The following NYAP2 variants were observed in gnomAD, a reference collection of about 807,000 sequenced individuals.
NYAP2 encodes the protein neuronal tyrosine-phosphorylated phosphoinositide-3-kinase adaptor 2.
NYAP2 carries 23 observed loss-of-function variants against 50.4 expected under a neutral mutation model. That is an observed-to-expected ratio of 0.46 (90% CI 0.33 to 0.65). The LOEUF (loss-of-function observed/expected upper bound fraction) is 0.65, where lower values mean the gene tolerates loss of function less well. Among genes scored for constraint, NYAP2 ranks in the 30% least tolerant of loss-of-function variants. The pLI is 0.02. For synonymous variants in NYAP2, 394 were observed against 365.2 expected (o/e 1.08, Z -0.90); for missense variants, 885 against 861.0 (o/e 1.03, Z -0.35).
chr2:225,430,676 G>A (rs1421626960), intron 3 of NYAP2, among the ~76,000 whole-genome samples: 1 of 151,726 alleles, frequency 6.6e-6, no homozygotes, highest in Non-Finnish European at 1.5e-5. Context: ...AATACATCAG[G>A]GATTTGAACC....
At chr2:225,638,666 G>A (rs576808310) in intron 6 of NYAP2, among the ~76,000 whole-genome samples, 52 of 152,250 alleles carry the variant, frequency 3.4e-4, no homozygotes, top group Admixed American at 1.7e-3. Context: ...CCAATCAGAG[G>A]AGGCCTTCAG....
the NYAP2 span, among the ~76,000 whole-genome samples, chr2:225,670,118 C>T: frequency 6.6e-6 from 1 of 152,274 alleles, no homozygotes; most frequent in South Asian, 2.1e-4. Flanking sequence ...ATGATTACTT[C>T]CTCTGACCAA....
chr2:225,549,798 A>G (rs1199199821), intron 4 of NYAP2, among the ~76,000 whole-genome samples: 2 of 152,048 alleles, frequency 1.3e-5, no homozygotes, highest in East Asian at 1.9e-4. Flanking sequence ...CCTGGCCAAC[A>G]TGGTGAAACC....
rs560749220 is a variant in NYAP2 at position 225,561,391 on chromosome 2, G to A, written c.524-20550G>A. ...AAGGAAGCCAGAGGTGGCTGGAACA[G>A]AGTGAACCTGGAAGAAAGGCACAAA... On this transcript the variant is annotated intron_variant, in intron 4 of 6. Transcript: ENST00000636099. Among the ~76,000 whole-genome samples the A allele has an allele frequency of 2.0e-5, 3 of 152,254 alleles. No homozygotes were observed. The South Asian group carries it at 6.2e-4, about 32-fold the overall frequency.
the NYAP2 span, among the ~76,000 whole-genome samples, chr2:225,664,892 A>G: frequency 2.6e-5 from 4 of 151,960 alleles, no homozygotes; most frequent in East Asian, 1.9e-4. Context: ...CAAACAAACA[A>G]AAACCCCCAA....
chr2:225,693,701 T>C, the NYAP2 span, among the ~76,000 whole-genome samples: 1 of 151,976 alleles, frequency 6.6e-6, no homozygotes, highest in Non-Finnish European at 1.5e-5. Context: ...GATTATTTTA[T>C]AAGAGTACTA....
At chr2:225,470,811 A>ATG (rs113075606) in intron 3 of NYAP2, among the ~76,000 whole-genome samples, 15 of 148,202 alleles carry the variant, frequency 1.0e-4, no homozygotes, top group African/African-American at 3.3e-4. Flanking sequence ...ATGTATGTAT[A>ATG]TGTGTGTGTG....
chr2:225,638,156 TTGTGTGTGTG>T (rs146481098), intron 6 of NYAP2, among the ~76,000 whole-genome samples: 45 of 135,304 alleles, frequency 3.3e-4, no homozygotes, highest in African/African-American at 1.2e-3. Flanking sequence ...ACTCGTGTGT[TTGTGTGTGTG>T]TGTGTGTGTG....
At chr2:225,669,580 G>A in the NYAP2 span, among the ~76,000 whole-genome samples, 1 of 152,080 alleles carries the variant, frequency 6.6e-6, no homozygotes, top group Non-Finnish European at 1.5e-5. Flanking sequence ...AAGAAACACA[G>A]TATTGTAATG....
the NYAP2 span, among the ~76,000 whole-genome samples, chr2:225,689,821 C>T: frequency 3.9e-5 from 6 of 151,988 alleles, no homozygotes; most frequent in Non-Finnish European, 8.8e-5. Context: ...GACAGAGGTG[C>T]ATATTATTTC....
chr2:225,577,076 G>A (rs1196528739), intron 4 of NYAP2, among the ~76,000 whole-genome samples: 2 of 151,792 alleles, frequency 1.3e-5, no homozygotes, highest in African/African-American at 4.8e-5. Flanking sequence ...GACAAGGCAC[G>A]AGGTGAATTT....
chr2:225,479,355 T>C (rs1690168630), intron 3 of NYAP2, among the ~76,000 whole-genome samples: 1 of 152,172 alleles, frequency 6.6e-6, no homozygotes, highest in Non-Finnish European at 1.5e-5. Flanking sequence ...AAATTAACAC[T>C]GTACCTCAGT....
chr2:225,464,444 C>G (rs1689883318), intron 3 of NYAP2, among the ~76,000 whole-genome samples: 1 of 152,138 alleles, frequency 6.6e-6, no homozygotes, highest in Non-Finnish European at 1.5e-5. Flanking sequence ...GTAGACATCT[C>G]TGGATCACAG....
At chr2:225,508,347 G>A (rs1452243669) in intron 3 of NYAP2, among the ~76,000 whole-genome samples, 1 of 152,122 alleles carries the variant, frequency 6.6e-6, no homozygotes, top group African/African-American at 2.4e-5. Flanking sequence ...TCTGAAGCAG[G>A]AGAATGACCT....
chr2:225,483,582 G>GCA (rs138841849), intron 3 of NYAP2, among the ~76,000 whole-genome samples: 20 of 151,374 alleles, frequency 1.3e-4, no homozygotes, highest in African/African-American at 3.6e-4. Context: ...AGACGTGTGT[G>GCA]CACACACACA....
chr2:225,451,917 C>T (rs1689660286), intron 3 of NYAP2, among the ~76,000 whole-genome samples: 1 of 152,056 alleles, frequency 6.6e-6, no homozygotes, highest in African/African-American at 2.4e-5. Flanking sequence ...TGACAACCTC[C>T]CAATTTCTCT....
intron 2 of NYAP2, among the ~76,000 whole-genome samples, chr2:225,404,633 A>C (rs1694910438): frequency 6.6e-6 from 1 of 152,014 alleles, no homozygotes; most frequent in African/African-American, 2.4e-5. Flanking sequence ...AATTTTGGAA[A>C]GTGTCACAGT....
At chr2:225,413,530 AGT>A (rs1181857901) in intron 3 of NYAP2, among the ~76,000 whole-genome samples, 1 of 152,118 alleles carries the variant, frequency 6.6e-6, no homozygotes, top group African/African-American at 2.4e-5. Flanking sequence ...AAATAATAAC[AGT>A]CTTTTATTAT....
At chr2:225,668,573 T>G in the NYAP2 span, among the ~76,000 whole-genome samples, 1 of 152,198 alleles carries the variant, frequency 6.6e-6, no homozygotes, top group African/African-American at 2.4e-5. Context: ...TGTTTTCTCA[T>G]GTGACCATCA....
Sources: gnomAD v4.1 joint callset for allele counts (sites outside exome capture counted in the v4.1 genomes callset) on GRCh38, gnomAD v4.1.1 for gene constraint, MANE v1.5 for transcripts, NCBI Gene and HGNC (gene_info 2026-07-23, HGNC 2026-07-21) for gene names.